The following PCDHGA10 variants were observed in gnomAD, a reference collection of about 807,000 sequenced individuals.
PCDHGA10 encodes protocadherin gamma subfamily A, 10, also known as protocadherin gamma-A10.
In PCDHGA10, 42 loss-of-function variants were observed where a neutral mutation model predicts 59.5. The observed-to-expected ratio is 0.71, with a 90% CI of 0.55 to 0.91. PCDHGA10 has a LOEUF of 0.91. Among genes scored for constraint, PCDHGA10 ranks in the 40% least tolerant of loss-of-function variants. PCDHGA10 has a pLI of 0.00. For missense variants in PCDHGA10, 1,111 were observed against 1,198.2 expected, an observed-to-expected ratio of 0.93 and a Z score of 1.07; for synonymous variants, 511 against 517.2, an observed-to-expected ratio of 0.99 and a Z score of 0.16.
chr5:141,422,883 C>A, intron 1 of PCDHGA10: 1 of 1,614,242 alleles, frequency 6.2e-7, no homozygotes, highest in Non-Finnish European at 8.5e-7. Flanking sequence ...TGAGCCTGTT[C>A]GTGCTGGACC....
chr5:141,428,624 C>CT, intron 1 of PCDHGA10: 1 of 193,988 alleles, frequency 5.2e-6, no homozygotes, highest in South Asian at 1.1e-4. Context: ...AAGATAAGCT[C>CT]TAACTCTGTT....
At position 141,413,500 on chromosome 5, in the gene PCDHGA10, A is replaced by C. The variant is rs1422297029; in HGVS notation, c.325A>C (p.Ser109Arg). ...CGCTCAGAGCGCGCGGTGCGTGGTG[A>C]GTTTTAATATCCTTGTGGAAGACAG... ...LCAQSARCVV[S>R]FNILVEDRVK... is the part of the protein sequence containing the mutation. Residue 109 changes from serine to arginine, a missense_variant, in exon 1 of 4, where the codon AGT (serine) becomes CGT (arginine). Ser to Arg is a moderately radical substitution (Grantham distance 110). Coordinates refer to ENST00000398610, the MANE Select transcript of PCDHGA10 (RefSeq NM_018913.3). The C allele has an allele frequency of 1.2e-6, 2 of 1,614,034 alleles. No individual in the cohort carries two copies. The highest frequency in any genetic ancestry group is 1.1e-5 in the South Asian group (1 of 91,084).
chr5:141,485,454 C>T lies in PCDHGA10; in HGVS notation c.2437-9353C>T. On this transcript the variant is annotated intron_variant, in intron 1 of 3. Transcript: ENST00000398610. This position sits in a 1 kb window ranked among gnomAD's most constrained non-coding sequence, Gnocchi z 5.7. Reference sequence around the variant, plus strand: ...ATCAAGAACCCAATCGACCGAGAGGCACTGTGTGGGCTCAGTGCCAGCTGC... The same window carrying T: ...ATCAAGAACCCAATCGACCGAGAGGTACTGTGTGGGCTCAGTGCCAGCTGC... The T allele has an allele frequency of 6.2e-7, 1 of 1,614,162 alleles. No homozygotes were observed. Among genetic ancestry groups the T allele is most frequent in the East Asian group, 2.2e-5 (1 of 44,868 alleles).
intron 1 of PCDHGA10, among the ~76,000 whole-genome samples, chr5:141,451,924 G>C (rs1337159204): frequency 1.3e-5 from 2 of 152,008 alleles, no homozygotes; most frequent in African/African-American, 4.8e-5. Context: ...AAGGAAGGGA[G>C]GTAGGGAGGC....
chr5:141,492,050 C>CT, intron 1 of PCDHGA10: 1 of 501,102 alleles, frequency 2.0e-6, no homozygotes, highest in Non-Finnish European at 3.5e-6. Flanking sequence ...AGATCCACCC[C>CT]TGCAGCCAGC....
At chr5:141,421,156 C>T in intron 1 of PCDHGA10, 1 of 1,197,694 alleles carries the variant, frequency 8.3e-7, no homozygotes, top group Non-Finnish European at 1.1e-6. Flanking sequence ...CGGCCTAGGA[C>T]TTCATAGATA....
chr5:141,463,500 G>A (rs866521006), intron 1 of PCDHGA10, among the ~76,000 whole-genome samples: 30 of 139,838 alleles, frequency 2.1e-4, no homozygotes, highest in African/African-American at 7.0e-4. Context: ...CCAGGCTGGA[G>A]TGACGTGGCG....
Position 141,491,509 on chromosome 5 carries a change from C to T in PCDHGA10, c.2437-3298C>T. 6.2e-7 allele frequency: 1 copy of T among 1,614,058 alleles called. No individual in the cohort carries two copies. Among genetic ancestry groups the T allele is most frequent in the Non-Finnish European group, 8.5e-7 (1 of 1,180,022 alleles). On this transcript the variant is annotated intron_variant, in intron 1 of 3. Coordinates refer to ENST00000398610, the MANE Select transcript of PCDHGA10 (RefSeq NM_018913.3). The surrounding 1 kb of genome is among the most constrained non-coding windows in gnomAD (Gnocchi z 6.9). Reference sequence around the variant, plus strand: ...CCTGCAGGTGAGCTCGGACGGCACGCTCAAGTACATGGAGGTGACGCTGCG... The same window carrying T: ...CCTGCAGGTGAGCTCGGACGGCACGTTCAAGTACATGGAGGTGACGCTGCG...
intron 1 of PCDHGA10, chr5:141,423,427 G>A: frequency 1.2e-6 from 2 of 1,614,010 alleles, no homozygotes; most frequent in Non-Finnish European, 1.7e-6. Flanking sequence ...AGGCGGGTTG[G>A]CAGGTATGCC....
Position 141,476,021 on chromosome 5 carries a change from C to T in PCDHGA10, c.2437-18786C>T. The T allele has an allele frequency of 7.1e-7, 1 of 1,400,498 alleles. No individual in the cohort carries two copies. The highest frequency in any genetic ancestry group is 1.4e-5 in the South Asian group (1 of 71,458). 86.8% of individuals were successfully genotyped at this position (1,400,498 alleles called of 1,614,324 possible). A position where few individuals can be genotyped will look rare whatever the true frequency, so the allele number is the denominator to read the frequency against. ...GGCATCCAGAAAGCCATGTCGGACT[C>T]GGCGCCCAGCGCCCAAGCGCTAACC... On this transcript the variant is annotated intron_variant, in intron 1 of 3. Coordinates refer to ENST00000398610, the MANE Select transcript of PCDHGA10 (RefSeq NM_018913.3). This position sits in a 1 kb window ranked among gnomAD's most constrained non-coding sequence, Gnocchi z 7.6.
chr5:141,422,304 A>C (rs1265775894), intron 1 of PCDHGA10: 2 of 1,548,406 alleles, frequency 1.3e-6, no homozygotes. Context: ...CAATTCTGGA[A>C]AACTCTCCTC....
chr5:141,500,680 T>C (rs999167635), intron 2 of PCDHGA10, among the ~76,000 whole-genome samples: 7 of 152,224 alleles, frequency 4.6e-5, no homozygotes, highest in Non-Finnish European at 7.3e-5. Context: ...AACAGAATTA[T>C]AGCTTTTTTC....
chr5:141,430,750 G>A (rs746434313), intron 1 of PCDHGA10: 2 of 1,500,586 alleles, frequency 1.3e-6, no homozygotes, highest in Non-Finnish European at 1.8e-6. Context: ...AATTCTGGAG[G>A]AAGATAAGAA....
chr5:141,505,302 G>GTAC, intron 2 of PCDHGA10, 91 bp from the exon 3 acceptor site: 5 of 1,592,714 alleles, frequency 3.1e-6, no homozygotes, highest in Non-Finnish European at 4.3e-6. Context: ...TAGGGTTAGG[G>GTAC]TACTAGGTTT....
At chr5:141,510,132 G>A (rs920772998) in intron 3 of PCDHGA10, among the ~76,000 whole-genome samples, 2 of 152,120 alleles carry the variant, frequency 1.3e-5, no homozygotes, top group African/African-American at 4.8e-5. Context: ...AAATTAGCTG[G>A]GCTAGTGGTG....
rs2097383894 is a variant in PCDHGA10, at chr5:141,431,489, C to T, written c.2436+15878C>T. On this transcript the variant is annotated intron_variant, in intron 1 of 3. Transcript: ENST00000398610. This position sits in a 1 kb window ranked among gnomAD's most constrained non-coding sequence, Gnocchi z 4.8. ...GAACGACAACGCACCAGCGTTTGCTCAGCCCGAGTACCGCGCGAGCGTTCC... is the reference window on the plus strand; with the variant it reads ...GAACGACAACGCACCAGCGTTTGCTTAGCCCGAGTACCGCGCGAGCGTTCC... The T allele has an allele frequency of 1.2e-6, 2 of 1,613,850 alleles. No homozygotes were observed. The highest frequency in any genetic ancestry group is 3.3e-5 in the Admixed American group (2 of 60,016).
Position 141,489,417 on chromosome 5 carries a change from G to A in PCDHGA10, c.2437-5390G>A, listed in dbSNP as rs1020232739. On this transcript the variant is annotated intron_variant, in intron 1 of 3. Coordinates refer to ENST00000398610, the MANE Select transcript of PCDHGA10 (RefSeq NM_018913.3). This position sits in a 1 kb window ranked among gnomAD's most constrained non-coding sequence, Gnocchi z 4.5. ...ATCTGGGCTTAAAGATGACAGATCT[G>A]TTGAGCCGGCGGCTGCAATTGGGCT... The A allele has an allele frequency of 1.2e-6, 2 of 1,614,172 alleles. No individual in the cohort carries two copies. The highest frequency in any genetic ancestry group is 3.3e-5 in the Admixed American group (2 of 60,030).
intron 1 of PCDHGA10, among the ~76,000 whole-genome samples, chr5:141,483,203 A>G (rs940487337): frequency 6.6e-6 from 1 of 152,204 alleles, no homozygotes; most frequent in Admixed American, 6.5e-5. Flanking sequence ...ATTTTATTCC[A>G]TATAGATGAC....
rs978109236 is a variant in PCDHGA10, at chr5:141,418,889, A to G, written c.2436+3278A>G. 1.9e-6 allele frequency: 3 copies of G among 1,614,020 alleles called. No homozygotes were observed. The African/African-American group carries it at 4.0e-5, about 21-fold the overall frequency. On this transcript the variant is annotated intron_variant, in intron 1 of 3. Coordinates refer to ENST00000398610, the MANE Select transcript of PCDHGA10 (RefSeq NM_018913.3). Reference sequence around the variant, plus strand: ...AGAAGTTGTAGACGAAAACGACAACAGCCCAGAAATAATCATCACGTCACT... The same window carrying G: ...AGAAGTTGTAGACGAAAACGACAACGGCCCAGAAATAATCATCACGTCACT...
Sources: allele counts gnomAD v4.1 joint callset (sites outside exome capture counted in the v4.1 genomes callset), GRCh38; gene constraint gnomAD v4.1.1; non-coding constraint Gnocchi (gnomAD v3.1); transcripts MANE v1.5; gene names NCBI Gene and HGNC (gene_info 2026-07-23, HGNC 2026-07-21).